EYS: variants seen among roughly 807,000 people sequenced by gnomAD.
EYS encodes the protein protein eyes shut homolog.
Under a neutral mutation model 282.1 loss-of-function variants are expected in EYS, and 250 were observed. The ratio of observed to expected loss-of-function variants is 0.89; its 90% CI spans 0.80 to 0.98. The LOEUF (loss-of-function observed/expected upper bound fraction) is 0.98, where lower values mean the gene tolerates loss of function less well. Ranked by LOEUF, EYS falls within the 50% of genes least tolerant of loss-of-function variation. The probability of loss-of-function intolerance (pLI) is 0.00; values close to 1 mark genes in which losing one functional copy is unlikely to be tolerated. For missense variants in EYS, 4,016 were observed against 3,709.0 expected (o/e 1.08, Z -2.15); for synonymous variants, 1,355 against 1,282.9 (o/e 1.06, Z -1.20).
chr6:65,161,420 T>C (rs1397884993), intron 12 of EYS, among the ~76,000 whole-genome samples: 3 of 151,146 alleles, frequency 2.0e-5, no homozygotes, highest in Admixed American at 1.3e-4. Context: ...AGCATGAGCC[T>C]GAATTTATTG....
chr6:64,067,728 CCA>C (rs1447417881), intron 32 of EYS, among the ~76,000 whole-genome samples: 7 of 152,056 alleles, frequency 4.6e-5, no homozygotes, highest in African/African-American at 1.7e-4. Context: ...TCAGTACTAT[CCA>C]CAGTTTCAGG....
chr6:64,755,664 T>C (rs1049009447), intron 22 of EYS, among the ~76,000 whole-genome samples: 1 of 152,084 alleles, frequency 6.6e-6, no homozygotes, highest in Non-Finnish European at 1.5e-5. Flanking sequence ...ATACTGCATG[T>C]TCTCACTTGT....
At chr6:65,595,917 A>C (rs80099195) in intron 2 of EYS, among the ~76,000 whole-genome samples, 4,438 of 152,176 alleles carry the variant, frequency 0.029, 162 homozygotes, top group African/African-American at 0.089. Context: ...ATAAAAAGAA[A>C]GTATCTTCAG....
intron 1 of EYS, among the ~76,000 whole-genome samples, chr6:65,641,109 C>G (rs1192647379): frequency 6.6e-6 from 1 of 152,058 alleles, no homozygotes; most frequent in Non-Finnish European, 1.5e-5. Context: ...TATGTGCTTC[C>G]CTATATGCTT....
chr6:64,361,918 A>G (rs1022030492), intron 29 of EYS, among the ~76,000 whole-genome samples: 5 of 151,854 alleles, frequency 3.3e-5, no homozygotes, highest in African/African-American at 9.7e-5. Flanking sequence ...ATTTCCTCAG[A>G]AGCATCTTTG....
At chr6:64,987,009 T>G (rs1275249539) in intron 14 of EYS, among the ~76,000 whole-genome samples, 15 of 151,606 alleles carry the variant, frequency 9.9e-5, no homozygotes, top group Non-Finnish European at 5.9e-5. Context: ...TAATTGATAC[T>G]GTTTGGGAGA....
intron 37 of EYS, among the ~76,000 whole-genome samples, chr6:63,795,987 G>C: frequency 6.6e-6 from 1 of 152,146 alleles, no homozygotes. Flanking sequence ...GGTCTAATTA[G>C]TTCCACCTTG....
At chr6:64,507,254 A>G (rs1458088251) in intron 26 of EYS, among the ~76,000 whole-genome samples, 2 of 152,118 alleles carry the variant, frequency 1.3e-5, no homozygotes, top group Non-Finnish European at 2.9e-5. Flanking sequence ...TTGTAGGGAC[A>G]TGGATGAAGC....
intron 22 of EYS, among the ~76,000 whole-genome samples, chr6:64,697,059 G>A (rs1770605993): frequency 6.6e-6 from 1 of 152,062 alleles, no homozygotes; most frequent in South Asian, 2.1e-4. Flanking sequence ...AATCCTGTCA[G>A]AACTAACCTT....
chr6:64,707,445 G>A lies in EYS; in HGVS notation c.3444-81200C>T, dbSNP rs540942897. Among the ~76,000 whole-genome samples, 7 of 152,052 alleles carry A rather than the reference G, an allele frequency of 4.6e-5. No homozygotes were observed. The South Asian group carries it at 1.2e-3, about 27-fold the overall frequency. On this transcript the variant is annotated intron_variant, in intron 22 of 42. Transcript: ENST00000503581. ...AGCACTTTGGGAGACCGAGGTGGGC[G>A]GGTCACGAGGTCAGGAGATCAAGAC...
At chr6:65,088,332 GAACTTCCTAGA>G (rs1277038003) in intron 12 of EYS, among the ~76,000 whole-genome samples, 1 of 152,148 alleles carries the variant, frequency 6.6e-6, no homozygotes, top group Non-Finnish European at 1.5e-5. Flanking sequence ...GGAAAGTTTA[GAACTTCCTAGA>G]AACTTGTTGA....
intron 13 of EYS, among the ~76,000 whole-genome samples, chr6:65,003,473 T>C (rs1235245769): frequency 1.4e-5 from 2 of 147,836 alleles, no homozygotes; most frequent in Non-Finnish European, 3.0e-5. Context: ...CCTGTGGTCC[T>C]GTGATCTTGC....
intron 33 of EYS, among the ~76,000 whole-genome samples, chr6:64,030,206 A>G (rs1323247153): frequency 6.6e-6 from 1 of 152,168 alleles, no homozygotes; most frequent in Non-Finnish European, 1.5e-5. Flanking sequence ...AGACACAGAA[A>G]GTCAAAAAGA....
chr6:63,896,256 G>A (rs1479791383), intron 35 of EYS, among the ~76,000 whole-genome samples: 1 of 152,140 alleles, frequency 6.6e-6, no homozygotes, highest in African/African-American at 2.4e-5. Context: ...TATCGTGTAA[G>A]CAGTTTCCTC....
intron 12 of EYS, among the ~76,000 whole-genome samples, chr6:65,159,927 A>G (rs1388906796): frequency 6.6e-6 from 1 of 151,046 alleles, no homozygotes; most frequent in Non-Finnish European, 1.5e-5. Context: ...AACAATTAGA[A>G]ATGAGAGTAA....
At chr6:64,649,540 A>G (rs1365943926) in intron 22 of EYS, among the ~76,000 whole-genome samples, 2 of 152,056 alleles carry the variant, frequency 1.3e-5, no homozygotes, top group East Asian at 1.9e-4. Flanking sequence ...GGGTTTCACA[A>G]TGTTGGTCAG....
rs548231185 is a variant in EYS at position 65,556,938 on chromosome 6, C to A, written c.-332-60945G>T. ...GGATAATAAAAGTAGAAAACAAATA[C>A]CATTATTTGTATCATAACAGTATAT... On this transcript the variant is annotated intron_variant, in intron 2 of 42. Transcript: ENST00000503581. Among the ~76,000 whole-genome samples, 22 of 152,100 alleles carry A rather than the reference C, an allele frequency of 1.4e-4. No individual in the cohort carries two copies. In the South Asian group the frequency reaches 4.6e-3, roughly 32 times the overall value.
At chr6:65,591,472 T>G (rs1438783712) in intron 2 of EYS, among the ~76,000 whole-genome samples, 2 of 152,130 alleles carry the variant, frequency 1.3e-5, no homozygotes, top group South Asian at 2.1e-4. Context: ...ACAATACATT[T>G]AAAAGAAAAC....
intron 15 of EYS, among the ~76,000 whole-genome samples, chr6:64,939,538 C>G (rs188989019): frequency 6.6e-6 from 1 of 151,730 alleles, no homozygotes; most frequent in Admixed American, 6.6e-5. Flanking sequence ...ATATCAAATG[C>G]GATACTTTTA....
Sources: gnomAD v4.1 joint callset for allele counts (sites outside exome capture counted in the v4.1 genomes callset) on GRCh38, gnomAD v4.1.1 for gene constraint, MANE v1.5 for transcripts, NCBI Gene and HGNC (gene_info 2026-07-23, HGNC 2026-07-21) for gene names.